The following RNF144A variants were observed in gnomAD, a reference collection of about 807,000 sequenced individuals.
RNF144A encodes E3 ubiquitin-protein ligase RNF144A.
RNF144A carries 11 observed loss-of-function variants against 38.7 expected under a neutral mutation model. The ratio of observed to expected loss-of-function variants is 0.28; its 90% CI spans 0.18 to 0.47. The LOEUF is 0.47. RNF144A is among the 20% of genes least tolerant of loss of function. The probability of loss-of-function intolerance (pLI) is 0.99; values close to 1 mark genes in which losing one functional copy is unlikely to be tolerated. For synonymous variants in RNF144A, 149 were observed against 143.9 expected, an observed-to-expected ratio of 1.04 and a Z score of -0.25; for missense variants, 316 against 377.2, an observed-to-expected ratio of 0.84 and a Z score of 1.34.
chr2:7,075,130 C>A, the RNF144A span, among the ~76,000 whole-genome samples: 1 of 152,182 alleles, frequency 6.6e-6, no homozygotes, highest in African/African-American at 2.4e-5. Context: ...TGCTCCATGA[C>A]ATCTGCAGCC....
intron 2 of RNF144A, among the ~76,000 whole-genome samples, chr2:6,957,842 C>G (rs1667108747): frequency 6.6e-6 from 1 of 152,228 alleles, no homozygotes; most frequent in South Asian, 2.1e-4. Flanking sequence ...AATCTTAGCA[C>G]TCTATATTGC....
chr2:6,938,766 G>A (rs1665768868), intron 1 of RNF144A, among the ~76,000 whole-genome samples: 1 of 152,130 alleles, frequency 6.6e-6, no homozygotes, highest in African/African-American at 2.4e-5. Flanking sequence ...CTGAAAACTG[G>A]TGATCCACTT....
intron 5 of RNF144A, 44 bp from the exon 6 acceptor site, chr2:7,020,429 C>T: frequency 6.4e-7 from 1 of 1,570,684 alleles, no homozygotes; most frequent in African/African-American, 1.3e-5. Context: ...CCACATGACC[C>T]TCTGGCTTAA....
At chr2:7,030,313 A>T (rs766308488) in intron 8 of RNF144A, 98 bp downstream of exon 8, 1 of 810,460 alleles carries the variant, frequency 1.2e-6, no homozygotes, top group East Asian at 2.5e-5. Context: ...GTGTATGTAT[A>T]TCTTTAGTGT....
intron 3 of RNF144A, among the ~76,000 whole-genome samples, chr2:7,008,635 C>T (rs1171262718): frequency 1.3e-5 from 2 of 152,230 alleles, no homozygotes; most frequent in Non-Finnish European, 2.9e-5. Context: ...TGTTCCTGAG[C>T]ACACCCCTTC....
chr2:6,969,954 G>T (rs1667898274), intron 2 of RNF144A, among the ~76,000 whole-genome samples: 1 of 152,094 alleles, frequency 6.6e-6, no homozygotes, highest in Non-Finnish European at 1.5e-5. Flanking sequence ...TAGAGACGGG[G>T]TTTCACCATG....
chr2:7,008,477 A>G (rs1670591575), intron 3 of RNF144A, among the ~76,000 whole-genome samples: 1 of 152,180 alleles, frequency 6.6e-6, no homozygotes, highest in Admixed American at 6.5e-5. Flanking sequence ...GTGGGTTCTT[A>G]TAAAGCAGCC....
At chr2:6,980,350 G>T (rs13011206) in intron 2 of RNF144A, among the ~76,000 whole-genome samples, 43,126 of 152,180 alleles carry the variant, frequency 0.28, 7,575 homozygotes, top group Non-Finnish European at 0.4. Flanking sequence ...CCACCGAAGA[G>T]CCTGTAAAAT....
At chr2:7,003,196 A>AAAAAGTTTACAAAGTT (rs1670225470) in intron 3 of RNF144A, among the ~76,000 whole-genome samples, 1 of 152,208 alleles carries the variant, frequency 6.6e-6, no homozygotes, top group Non-Finnish European at 1.5e-5. Context: ...TTTACAAAGT[A>AAAAAGTTTACAAAGTT]AAAAAGTTAC....
chr2:6,983,517 G>T (rs186377121), intron 2 of RNF144A, among the ~76,000 whole-genome samples: 1 of 152,162 alleles, frequency 6.6e-6, no homozygotes, highest in Non-Finnish European at 1.5e-5. Flanking sequence ...CCTTTCTGAT[G>T]GCAGAGGATG....
rs369479310 is a variant in RNF144A, at chr2:6,973,687, A to G, written c.-11-23229A>G. 1.7e-3 allele frequency among the ~76,000 whole-genome samples: 259 copies of G among 152,356 alleles called. 1 individual carries two copies. Among genetic ancestry groups the G allele is most frequent in the African/African-American group, 5.7e-3 (238 of 41,574 alleles). On this transcript the variant is annotated intron_variant, in intron 2 of 8. Coordinates refer to ENST00000320892, the MANE Select transcript of RNF144A (RefSeq NM_014746.6). The stretch of plus-strand genomic sequence containing the variant: ...TTTACTAGAGAAAGGAGAAGATTGG[A>G]ATGGTGATACGGATTTTCACCACCC...
At position 7,054,732 on chromosome 2, in the gene RNF144A, G is replaced by A. The variant is rs1673663187; in HGVS notation, c.735-13484G>A. 3.3e-5 allele frequency among the ~76,000 whole-genome samples: 5 copies of A among 152,254 alleles called. No individual in the cohort carries two copies. In the South Asian group the frequency reaches 1.0e-3, roughly 32 times the overall value. The stretch of plus-strand genomic sequence containing the variant: ...GGCACCATCTTGGAGGCAGAGAGCT[G>A]TCCTCACCAGAACCACACCTGCCAG... On this transcript the variant is annotated intron_variant, in intron 6 of 6. Transcript: ENST00000432850.
intron 5 of RNF144A, among the ~76,000 whole-genome samples, chr2:7,016,022 C>G (rs1352495174): frequency 2.0e-5 from 3 of 150,058 alleles, no homozygotes; most frequent in African/African-American, 7.4e-5. Flanking sequence ...CTAGAGATAG[C>G]TGGGCCCAGT....
chr2:7,014,809 T>C (rs368565158), intron 5 of RNF144A, 37 bp downstream of exon 5: 79 of 1,445,012 alleles, frequency 5.5e-5, no homozygotes, highest in Non-Finnish European at 6.9e-5. Flanking sequence ...ATGATTCCTG[T>C]AATGTGTGAA....
In RNF144A at chr2:6,941,780, C is replaced by T. The variant is rs1332411529; in HGVS notation, c.-12+633C>T. Among the ~76,000 whole-genome samples, 1 of 152,260 alleles carries T rather than the reference C, an allele frequency of 6.6e-6. No homozygotes were observed. The highest frequency in any genetic ancestry group is 1.9e-4 in the East Asian group (1 of 5,196). On this transcript the variant is annotated intron_variant, in intron 2 of 8. Transcript: ENST00000320892. This position sits in a 1 kb window ranked among gnomAD's most constrained non-coding sequence, Gnocchi z 6.5. The stretch of plus-strand genomic sequence containing the variant: ...CATGCACTTTAAGGAGGCGCAGTAA[C>T]TAGCCACTTAGCATCTGGGCAAGAG...
intron 7 of RNF144A, 98 bp downstream of exon 7, chr2:7,024,614 C>T: frequency 2.9e-6 from 4 of 1,383,266 alleles, no homozygotes. Flanking sequence ...GAGCTTGGTG[C>T]CTACTCCTGT....
rs142965648 is a variant in RNF144A, at chr2:6,940,605, A to G, written c.-211-343A>G. On this transcript the variant is annotated intron_variant, in intron 1 of 8. Coordinates refer to ENST00000320892, the MANE Select transcript of RNF144A (RefSeq NM_014746.6). ...TATTTTTCTCATGATTGCCCTGAGA[A>G]GCAAGCGTTTCTGTGGACTTGCACC... is the stretch of plus-strand genomic sequence containing the variant. 3.0e-4 allele frequency among the ~76,000 whole-genome samples: 46 copies of G among 152,254 alleles called. No individual in the cohort carries two copies. The East Asian group carries it at 8.9e-3, about 29-fold the overall frequency.
intron 2 of RNF144A, among the ~76,000 whole-genome samples, chr2:6,976,206 A>G (rs753492767): frequency 5.9e-5 from 9 of 152,186 alleles, no homozygotes; most frequent in Middle Eastern, 3.2e-3. Context: ...GTGTTATATC[A>G]TTTTGAACTC....
At position 7,041,724 on chromosome 2, in the gene RNF144A, G is replaced by A. The variant is rs979354546; in HGVS notation, c.*1964G>A. ...GAGGCCTGTGGCCCTGTGTCCAGTG[G>A]CCCACAGGACACGCCTCCACCATAT... On this transcript the variant is annotated 3_prime_UTR_variant, in exon 9 of 9. Coordinates refer to ENST00000320892, the MANE Select transcript of RNF144A (RefSeq NM_014746.6). 43 of 985,292 alleles carry A rather than the reference G, an allele frequency of 4.4e-5. No homozygotes were observed. Among genetic ancestry groups the A allele is most frequent in the African/African-American group, 7.0e-5 (4 of 57,182 alleles). The allele number at this position is 985,292 out of a possible 1,614,324, so 61.0% of individuals were successfully genotyped here. A position where few individuals can be genotyped will look rare whatever the true frequency, so the allele number is the denominator to read the frequency against.
Sources: allele counts gnomAD v4.1 joint callset (sites outside exome capture counted in the v4.1 genomes callset), GRCh38; gene constraint gnomAD v4.1.1; non-coding constraint Gnocchi (gnomAD v3.1); transcripts MANE v1.5; gene names NCBI Gene and HGNC (gene_info 2026-07-23, HGNC 2026-07-21).